The following MAGI1 variants were observed in gnomAD, a reference collection of about 807,000 sequenced individuals.
MAGI1 encodes membrane-associated guanylate kinase, WW and PDZ domain-containing protein 1.
In MAGI1, 58 loss-of-function variants were observed where a neutral mutation model predicts 139.9. The ratio of observed to expected loss-of-function variants is 0.41; its 90% CI spans 0.34 to 0.52. MAGI1 has a LOEUF of 0.52. MAGI1 is among the 20% of genes least tolerant of loss of function. The probability of loss-of-function intolerance (pLI) is 0.12; values close to 1 mark genes in which losing one functional copy is unlikely to be tolerated. For missense variants in MAGI1, 1,874 were observed against 1,901.6 expected (o/e 0.99, Z 0.27); for synonymous variants, 812 against 737.9 (o/e 1.10, Z -1.63).
intron 1 of MAGI1, among the ~76,000 whole-genome samples, chr3:65,754,418 T>G (rs1439592682): frequency 6.6e-6 from 1 of 152,212 alleles, no homozygotes; most frequent in Non-Finnish European, 1.5e-5. Context: ...TGTGCTCATT[T>G]TATGCTCACT....
intron 3 of MAGI1, among the ~76,000 whole-genome samples, chr3:65,483,618 A>T (rs566455949): frequency 1.3e-5 from 2 of 152,352 alleles, no homozygotes; most frequent in East Asian, 3.9e-4. Context: ...CGTGAGGCTG[A>T]TTATCCCACA....
intron 1 of MAGI1, among the ~76,000 whole-genome samples, chr3:65,941,324 G>C (rs1283986115): frequency 6.6e-6 from 1 of 151,420 alleles, no homozygotes; most frequent in African/African-American, 2.4e-5. Flanking sequence ...TCCAGCCTAG[G>C]TGACACAGCA....
At chr3:65,653,592 C>T (rs1340293785) in intron 1 of MAGI1, among the ~76,000 whole-genome samples, 1 of 152,172 alleles carries the variant, frequency 6.6e-6, no homozygotes, top group Admixed American at 6.6e-5. Context: ...TCATTGATAG[C>T]ACAAATTGCA....
At chr3:65,408,040 G>C (rs973428045) in intron 12 of MAGI1, among the ~76,000 whole-genome samples, 3 of 152,180 alleles carry the variant, frequency 2.0e-5, no homozygotes, top group African/African-American at 7.2e-5. Flanking sequence ...AAGCAAAGCT[G>C]CACAGAAGCA....
intron 2 of MAGI1, among the ~76,000 whole-genome samples, chr3:65,554,651 T>C (rs1172920531): frequency 6.6e-6 from 1 of 152,192 alleles, no homozygotes; most frequent in Non-Finnish European, 1.5e-5. Context: ...CTTTCTACCC[T>C]TCTGTCCATC....
chr3:65,615,419 G>C (rs1054903067), intron 2 of MAGI1, among the ~76,000 whole-genome samples: 1 of 152,122 alleles, frequency 6.6e-6, no homozygotes, highest in African/African-American at 2.4e-5. Context: ...GGAATGTCCA[G>C]GTCCTTCTCA....
At chr3:65,828,117 G>C (rs955925164) in intron 1 of MAGI1, among the ~76,000 whole-genome samples, 1 of 152,194 alleles carries the variant, frequency 6.6e-6, no homozygotes, top group African/African-American at 2.4e-5. Context: ...TTGGAGAAGT[G>C]ATGGACTTCA....
chr3:65,837,396 C>T (rs558057020), intron 1 of MAGI1, among the ~76,000 whole-genome samples: 2 of 152,292 alleles, frequency 1.3e-5, no homozygotes, highest in African/African-American at 2.4e-5. Context: ...GTTGATGCCA[C>T]GACCTCCCAG....
intron 12 of MAGI1, among the ~76,000 whole-genome samples, chr3:65,415,010 A>AC (rs374195407): frequency 0.019 from 1,238 of 66,456 alleles, 26 homozygotes; most frequent in African/African-American, 0.045. Flanking sequence ...GCCTGGGAAA[A>AC]AAAAAAAAAC....
chr3:65,701,661 G>A (rs1461657131), intron 1 of MAGI1, among the ~76,000 whole-genome samples: 1 of 151,932 alleles, frequency 6.6e-6, no homozygotes, highest in Non-Finnish European at 1.5e-5. Flanking sequence ...TTTATTATAG[G>A]ACTGAAAAAG....
intron 1 of MAGI1, among the ~76,000 whole-genome samples, chr3:66,037,708 G>A (rs1191711174): frequency 1.3e-5 from 2 of 152,168 alleles, no homozygotes; most frequent in Admixed American, 6.5e-5. Flanking sequence ...TCGGGTGCAG[G>A]CGAGACTGCG....
rs1553748579 is a variant in MAGI1 at position 66,018,123 on chromosome 3, G to GA, written c.313+19872_313+19873insT. On this transcript the variant is annotated intron_variant, in intron 1 of 22. Coordinates refer to ENST00000402939, the MANE Select transcript of MAGI1 (RefSeq NM_001033057.2). Reference sequence around the variant, plus strand: ...GGAAGGACACTTTGGTGGGGGGGGGGGGTGTCTGCACATGCCCATTTAATG... The same window carrying GA: ...GGAAGGACACTTTGGTGGGGGGGGGGAGGTGTCTGCACATGCCCATTTAATG... Among the ~76,000 whole-genome samples, 2 of 133,832 alleles carry GA rather than the reference G, an allele frequency of 1.5e-5. 1 individual carries two copies. Among genetic ancestry groups the GA allele is most frequent in the Non-Finnish European group, 3.2e-5 (2 of 61,836 alleles). The allele number at this position is 133,832 out of a possible 152,430, so 87.8% of individuals were successfully genotyped here.
At chr3:65,948,690 T>C (rs2063656574) in intron 1 of MAGI1, among the ~76,000 whole-genome samples, 1 of 152,160 alleles carries the variant, frequency 6.6e-6, no homozygotes, top group South Asian at 2.1e-4. Flanking sequence ...AACATACTTA[T>C]AAAACAAATC....
intron 1 of MAGI1, among the ~76,000 whole-genome samples, chr3:65,800,884 T>A (rs1026652180): frequency 2.0e-5 from 3 of 152,198 alleles, no homozygotes; most frequent in Non-Finnish European, 2.9e-5. Context: ...GCAAAATTAA[T>A]TGTGGTTTTC....
In MAGI1 at chr3:65,881,117, C is replaced by G. The variant is rs541374018; in HGVS notation, c.313+156879G>C. ...CCTAGGCTGGTCTTGAACTCCTGAG[C>G]TCAAGCGATCCACCTGCCTCAGCCT... On this transcript the variant is annotated intron_variant, in intron 1 of 22. Transcript: ENST00000402939. Among the ~76,000 whole-genome samples the G allele has an allele frequency of 2.4e-4, 36 of 152,120 alleles. No homozygotes were observed. In the South Asian group the frequency reaches 5.4e-3, roughly 23 times the overall value.
chr3:65,543,496 C>T (rs2079346720), intron 2 of MAGI1, among the ~76,000 whole-genome samples: 2 of 152,088 alleles, frequency 1.3e-5, no homozygotes, highest in Non-Finnish European at 2.9e-5. Context: ...GACTTGGGAC[C>T]AAACCAAATG....
chr3:65,782,112 C>A (rs1248738599), intron 1 of MAGI1, among the ~76,000 whole-genome samples: 1 of 152,124 alleles, frequency 6.6e-6, no homozygotes, highest in Non-Finnish European at 1.5e-5. Flanking sequence ...CATTAGTAAG[C>A]ATAATAGGCA....
chr3:65,830,011 G>GA (rs1456861924), intron 1 of MAGI1, among the ~76,000 whole-genome samples: 13 of 152,262 alleles, frequency 8.5e-5, no homozygotes, highest in African/African-American at 2.4e-4. Context: ...ACATACACGT[G>GA]AAAAATGACA....
At chr3:65,566,948 A>G (rs542708581) in intron 2 of MAGI1, among the ~76,000 whole-genome samples, 24 of 152,170 alleles carry the variant, frequency 1.6e-4, no homozygotes, top group Non-Finnish European at 3.2e-4. Flanking sequence ...ATGGCTGTAC[A>G]TCGACATTGT....
Sources: gnomAD v4.1 joint callset for allele counts (sites outside exome capture counted in the v4.1 genomes callset) on GRCh38, gnomAD v4.1.1 for gene constraint, MANE v1.5 for transcripts, NCBI Gene and HGNC (gene_info 2026-07-23, HGNC 2026-07-21) for gene names.